Variants in SLC12A7 observed in about 807,000 individuals in gnomAD.
The protein encoded by SLC12A7 is K-Cl cotransporter 4.
A neutral mutation model predicts 120.6 loss-of-function variants in SLC12A7; 100 were observed. The observed-to-expected ratio is 0.83, with a 90% CI of 0.71 to 0.98. SLC12A7 has a LOEUF of 0.98. SLC12A7 is among the 50% of genes least tolerant of loss of function. The pLI is 0.00. For missense variants in SLC12A7, 1,373 were observed against 1,548.1 expected (o/e 0.89, Z 1.90); for synonymous variants, 760 against 678.0 (o/e 1.12, Z -1.88).
intron 21 of SLC12A7, among the ~76,000 whole-genome samples, 163 bp from the exon 22 acceptor site, chr5:1,057,812 C>A (rs1249812546): frequency 6.6e-6 from 1 of 152,170 alleles, no homozygotes; most frequent in African/African-American, 2.4e-5. Context: ...TCCTGCGCCG[C>A]CCCCGTGACT....
At chr5:1,094,020 G>C in intron 2 of SLC12A7, 134 bp downstream of exon 2, 1 of 683,512 alleles carries the variant, frequency 1.5e-6, no homozygotes, top group South Asian at 1.8e-5. Flanking sequence ...CTTCAGGACA[G>C]GGAGGCCCCA....
At chr5:1,098,948 C>T (rs1289902154) in intron 1 of SLC12A7, among the ~76,000 whole-genome samples, 1 of 152,004 alleles carries the variant, frequency 6.6e-6, no homozygotes, top group Non-Finnish European at 1.5e-5. Context: ...AGCACCTCCT[C>T]CCTTGTCATT....
intron 6 of SLC12A7, among the ~76,000 whole-genome samples, chr5:1,086,656 C>G (rs1396434161): frequency 6.6e-6 from 1 of 152,236 alleles, no homozygotes; most frequent in Non-Finnish European, 1.5e-5. Context: ...GATGTCTACC[C>G]AGCTCATGCC....
chr5:1,124,805 G>C, the SLC12A7 span, among the ~76,000 whole-genome samples: 1 of 152,174 alleles, frequency 6.6e-6, no homozygotes, highest in Non-Finnish European at 1.5e-5. Context: ...TAAAAAAAGT[G>C]TTTAATCCAA....
intron 18 of SLC12A7, among the ~76,000 whole-genome samples, chr5:1,064,853 A>AGATGGTGAGAGGACCGCGAGGG (rs1554012884): frequency 4.5e-5 from 2 of 44,616 alleles, no homozygotes; most frequent in Non-Finnish European, 8.7e-5. Flanking sequence ...GACGGCGAGG[A>AGATGGTGAGAGGACCGCGAGGG]GACGGCGAGG....
chr5:1,149,442 T>C, the SLC12A7 span, among the ~76,000 whole-genome samples: 22 of 151,994 alleles, frequency 1.4e-4, no homozygotes, highest in Non-Finnish European at 2.8e-4. Context: ...CCAGGCGTGG[T>C]GGCAGGTGCC....
chr5:1,064,400 A>G, intron 18 of SLC12A7, 148 bp from the exon 19 acceptor site: 2 of 875,346 alleles, frequency 2.3e-6, no homozygotes, highest in East Asian at 2.7e-5. Context: ...CAGCTCCTCC[A>G]AGGACCAGCC....
the SLC12A7 span, among the ~76,000 whole-genome samples, chr5:1,132,986 TG>T: frequency 6.6e-6 from 1 of 152,220 alleles, no homozygotes; most frequent in African/African-American, 2.4e-5. Context: ...TCTTGGATCT[TG>T]GCTCACTGCA....
chr5:1,060,139 T>C (rs1736033127), intron 21 of SLC12A7, among the ~76,000 whole-genome samples: 1 of 152,238 alleles, frequency 6.6e-6, no homozygotes, highest in Admixed American at 6.5e-5. Flanking sequence ...CAGGCTCCGA[T>C]GAGCTCTGGC....
chr5:1,106,910 C>A (rs746690839), intron 1 of SLC12A7, among the ~76,000 whole-genome samples: 5 of 152,220 alleles, frequency 3.3e-5, no homozygotes, highest in African/African-American at 9.7e-5. Flanking sequence ...CTCATCCTCA[C>A]GGGTGTGGGA....
chr5:1,088,230 T>A lies in SLC12A7; in HGVS notation c.544+76A>T, dbSNP rs1294690004. 6 of 1,475,950 alleles carry A rather than the reference T, an allele frequency of 4.1e-6. No homozygotes were observed. In the East Asian group the frequency reaches 1.5e-4, roughly 37 times the overall value. 91.4% of individuals were successfully genotyped at this position (1,475,950 alleles called of 1,614,324 possible). A position where few individuals can be genotyped will look rare whatever the true frequency, so the allele number is the denominator to read the frequency against. The stretch of plus-strand genomic sequence containing the variant: ...CCCGGCCCGGCCTCGCCAAGCGGCC[T>A]CCTCGCGGTTGCCGTGCGGCAAAAC... On this transcript the variant is annotated intron_variant, in intron 5 of 23. Coordinates refer to ENST00000264930, the MANE Select transcript of SLC12A7 (RefSeq NM_006598.3).
intron 17 of SLC12A7, among the ~76,000 whole-genome samples, chr5:1,067,466 G>A (rs868053435): frequency 9.2e-5 from 14 of 152,244 alleles, no homozygotes; most frequent in Middle Eastern, 3.2e-3. Context: ...TCATCCCCAC[G>A]AGACCCCTCT....
At chr5:1,149,319 G>A in the SLC12A7 span, among the ~76,000 whole-genome samples, 2 of 152,348 alleles carry the variant, frequency 1.3e-5, no homozygotes, top group East Asian at 3.9e-4. Flanking sequence ...GCTCACACCT[G>A]TAATCCCAGC....
the SLC12A7 span, among the ~76,000 whole-genome samples, chr5:1,147,247 GCCACC>G: frequency 5.3e-5 from 4 of 75,368 alleles, no homozygotes; most frequent in South Asian, 1.1e-3. Flanking sequence ...GGCCCACCCC[GCCACC>G]CCCCCCGCCC....
At position 1,056,446 on chromosome 5, in the gene SLC12A7, C is replaced by T. The variant is rs149677363; in HGVS notation, c.3026+1025G>A. On this transcript the variant is annotated intron_variant, in intron 22 of 23. Transcript: ENST00000264930. ...GCTCTGGGTGAGCTCTGGCTGTACG[C>T]GGACGCACACAAGCCACCGTGCACG... 3.3e-3 allele frequency: 855 copies of T among 257,570 alleles called. 6 individuals are homozygous for T. The highest frequency in any genetic ancestry group is 0.019 in the African/African-American group (807 of 43,426). 16.0% of individuals were successfully genotyped at this position (257,570 alleles called of 1,614,324 possible).
intron 15 of SLC12A7, among the ~76,000 whole-genome samples, chr5:1,075,032 T>C (rs1049718440): frequency 6.6e-6 from 1 of 152,168 alleles, no homozygotes; most frequent in Non-Finnish European, 1.5e-5. Flanking sequence ...AGGACGCCTG[T>C]GGCTGCCGAG....
chr5:1,088,895 G>C (rs906024919), intron 4 of SLC12A7, 87 bp downstream of exon 4: 43 of 1,551,288 alleles, frequency 2.8e-5, no homozygotes, highest in Non-Finnish European at 3.8e-5. Context: ...AACCACAGCG[G>C]CCAGGGGAGA....
At chr5:1,097,802 G>A (rs1172169041) in intron 1 of SLC12A7, among the ~76,000 whole-genome samples, 2 of 152,152 alleles carry the variant, frequency 1.3e-5, no homozygotes, top group African/African-American at 2.4e-5. Flanking sequence ...AGCAGCCTCA[G>A]AGCATGATTA....
At position 1,069,003 on chromosome 5, in the gene SLC12A7, G is replaced by A. The variant is rs573055368; in HGVS notation, c.2242-3525C>T. On this transcript the variant is annotated intron_variant, in intron 17 of 23. Coordinates refer to ENST00000264930, the MANE Select transcript of SLC12A7 (RefSeq NM_006598.3). ...CATTCCAGCATGGGATAAGGAACAC[G>A]GAAAGGGACATATGGGGACCAGGAC... 2.8e-4 allele frequency among the ~76,000 whole-genome samples: 42 copies of A among 152,372 alleles called. 1 individual carries two copies. In the South Asian group the frequency reaches 3.1e-3, roughly 11 times the overall value.
Sources: allele counts gnomAD v4.1 joint callset (sites outside exome capture counted in the v4.1 genomes callset), GRCh38; gene constraint gnomAD v4.1.1; transcripts MANE v1.5; gene names NCBI Gene and HGNC (gene_info 2026-07-23, HGNC 2026-07-21).